The following PTGFRN variants were observed in gnomAD, a reference collection of about 807,000 sequenced individuals.
The protein encoded by PTGFRN is prostaglandin F2 receptor negative regulator.
A neutral mutation model predicts 83.2 loss-of-function variants in PTGFRN; 35 were observed. The ratio of observed to expected loss-of-function variants is 0.42; its 90% confidence interval spans 0.32 to 0.56. The LOEUF (loss-of-function observed/expected upper bound fraction) is 0.56. Among genes scored for constraint, PTGFRN ranks in the 20% least tolerant of loss-of-function variants. The pLI, the probability that PTGFRN is intolerant of heterozygous loss-of-function variation, is 0.11. For synonymous variants in PTGFRN, 519 were observed against 498.6 expected, an observed-to-expected ratio of 1.04 and a Z score of -0.55; for missense variants, 1,051 against 1,179.5, an observed-to-expected ratio of 0.89 and a Z score of 1.60.
chr1:116,937,633 T>C (rs947346732), intron 1 of PTGFRN, among the ~76,000 whole-genome samples: 1 of 152,170 alleles, frequency 6.6e-6, no homozygotes, highest in Non-Finnish European at 1.5e-5. Flanking sequence ...TTTCTAAAGC[T>C]CTGATCACTA....
intron 4 of PTGFRN, among the ~76,000 whole-genome samples, chr1:116,953,422 T>C (rs959137315): frequency 6.6e-6 from 1 of 152,098 alleles, no homozygotes; most frequent in Non-Finnish European, 1.5e-5. Flanking sequence ...AGTGTTGGAG[T>C]CAGGAGACAT....
Position 116,986,975 on chromosome 1 carries a change from C to G in PTGFRN, c.*8C>G. On this transcript the variant is annotated 3_prime_UTR_variant, in exon 9 of 9. Coordinates refer to ENST00000393203, the MANE Select transcript of PTGFRN (RefSeq NM_020440.4). ...TCGATGGAGATGGACTAGGCTGGCC[C>G]GGGAGGGGAGTGACAGAGGGACGTT... is the stretch of plus-strand genomic sequence containing the variant. 1 of 1,613,966 alleles carries G rather than the reference C, an allele frequency of 6.2e-7. No individual in the cohort carries two copies. Among genetic ancestry groups the G allele is most frequent in the Non-Finnish European group, 8.5e-7 (1 of 1,179,964 alleles).
rs966073216 is a variant in PTGFRN, at chr1:116,989,842, C to T, written c.*2875C>T. The stretch of plus-strand genomic sequence containing the variant: ...TGAGTGTCTTTCCCCCCCTCACCCT[C>T]ACCATCTGAGGGGCTCCCTGAGATC... On this transcript the variant is annotated 3_prime_UTR_variant, in exon 9 of 9. Coordinates refer to ENST00000393203, the MANE Select transcript of PTGFRN (RefSeq NM_020440.4). The T allele has an allele frequency of 6.6e-6, 1 of 152,592 alleles. No homozygotes were observed. Among genetic ancestry groups the T allele is most frequent in the Non-Finnish European group, 1.5e-5 (1 of 68,028 alleles). 9.5% of individuals were successfully genotyped at this position (152,592 alleles called of 1,614,324 possible).
At chr1:116,935,261 C>A (rs1649893154) in intron 1 of PTGFRN, among the ~76,000 whole-genome samples, 1 of 152,150 alleles carries the variant, frequency 6.6e-6, no homozygotes, top group Non-Finnish European at 1.5e-5. Flanking sequence ...GTCTTCTTGG[C>A]CCCACAAGGT....
At chr1:116,965,923 G>T (rs1650814824) in intron 5 of PTGFRN, among the ~76,000 whole-genome samples, 1 of 152,190 alleles carries the variant, frequency 6.6e-6, no homozygotes, top group South Asian at 2.1e-4. Context: ...GAAAGAATGT[G>T]GTGGCTCAGT....
intron 7 of PTGFRN, among the ~76,000 whole-genome samples, chr1:116,983,457 C>G (rs1449033953): frequency 6.7e-6 from 1 of 149,506 alleles, no homozygotes; most frequent in African/African-American, 2.5e-5. Flanking sequence ...GGCACTCCCT[C>G]TGCCCCCAGG....
intron 1 of PTGFRN, among the ~76,000 whole-genome samples, chr1:116,938,791 A>G (rs1649984145): frequency 6.6e-6 from 1 of 152,240 alleles, no homozygotes; most frequent in Non-Finnish European, 1.5e-5. Flanking sequence ...CCTTCTGCCT[A>G]TGGGCCTGTA....
intron 4 of PTGFRN, 72 bp downstream of exon 4, chr1:116,949,644 C>G (rs775230194): frequency 1.2e-4 from 191 of 1,528,538 alleles, no homozygotes; most frequent in Non-Finnish European, 1.6e-4. Context: ...AAGGAGTTAT[C>G]TCAGGAGGCT....
chr1:116,924,143 A>ATT (rs147663868), intron 1 of PTGFRN, among the ~76,000 whole-genome samples: 3,613 of 115,844 alleles, frequency 0.031, 154 homozygotes, highest in African/African-American at 0.095. Flanking sequence ...CTGTGCATGT[A>ATT]TTTTTTTTTT....
chr1:116,944,771 GC>G lies in PTGFRN; in HGVS notation c.513del (p.Ala172ProfsTer28). 1 of 1,554,122 alleles carries G rather than the reference GC, an allele frequency of 6.4e-7. No individual in the cohort carries two copies. Among genetic ancestry groups the G allele is most frequent in the Non-Finnish European group, 8.7e-7 (1 of 1,154,182 alleles). The part of the protein sequence containing the change: ...EGEPFELRCT[A>X]ASASPLHTHL... The stretch of plus-strand genomic sequence containing the variant: ...GGAGCCCTTCGAGCTGCGCTGCACC[GC>G]CGCCTCCGCCTCGCCGCTGCACACG... On this transcript the variant is annotated frameshift_variant, in exon 3 of 9. Coordinates refer to ENST00000393203, the MANE Select transcript of PTGFRN (RefSeq NM_020440.4). LOFTEE classifies it high-confidence loss of function.
At chr1:116,979,415 C>G (rs1448190825) in intron 7 of PTGFRN, among the ~76,000 whole-genome samples, 3 of 152,208 alleles carry the variant, frequency 2.0e-5, no homozygotes, top group Admixed American at 6.5e-5. Flanking sequence ...ATTGCCAAGT[C>G]AATCCTAAGC....
Position 116,944,680 on chromosome 1 carries a change from G to T in PTGFRN, c.420G>T (p.Val140=). The change falls in exon 3 of 9, where the codon GTG becomes GTT. Residue 140 remains valine, a splice_region_variant and synonymous_variant. Transcript: ENST00000393203. ...GNYEDTVQVK[V]LADSLHVGPS... ...TGACCTAGCTTTCTCTCTCCGCAGT[G>T]CTGGCCGACTCCCTGCACGTGGGCC... The T allele has an allele frequency of 7.0e-7, 1 of 1,424,262 alleles. No individual in the cohort carries two copies. 88.2% of individuals were successfully genotyped at this position (1,424,262 alleles called of 1,614,324 possible).
At chr1:116,973,721 A>G (rs1472363807) in intron 6 of PTGFRN, among the ~76,000 whole-genome samples, 2 of 151,998 alleles carry the variant, frequency 1.3e-5, no homozygotes, top group Non-Finnish European at 2.9e-5. Context: ...CATTGTTGAC[A>G]TGTCTGTCTT....
chr1:116,974,286 C>T lies in PTGFRN; in HGVS notation c.2130C>T (p.Phe710=). The change falls in exon 7 of 9, where the codon TTC becomes TTT. Residue 710 remains phenylalanine (F), a synonymous_variant. Coordinates refer to ENST00000393203, the MANE Select transcript of PTGFRN (RefSeq NM_020440.4). The part of the protein sequence containing the change: ...SVIRGDLIKL[F]CIITVEGAAL... ...TTCGGGGAGATCTGATCAAATTGTT[C>T]TGTATCATCACTGTCGAGGGAGCAG... 1 of 1,613,056 alleles carries T rather than the reference C, an allele frequency of 6.2e-7. No homozygotes were observed. The highest frequency in any genetic ancestry group is 2.2e-5 in the East Asian group (1 of 44,868).
At chr1:116,914,336 G>T (rs1161313004) in intron 1 of PTGFRN, among the ~76,000 whole-genome samples, 2 of 152,242 alleles carry the variant, frequency 1.3e-5, no homozygotes, top group Non-Finnish European at 2.9e-5. Flanking sequence ...TTGGGCCCAT[G>T]CCACACTAGC....
In PTGFRN at chr1:116,984,850, G is replaced by A. The variant is rs1651417403; in HGVS notation, c.2338G>A (p.Val780Met). The change falls in exon 8 of 9, where the codon GTG becomes ATG. Residue 780 changes from valine (V) to methionine (M), a missense_variant. Val to Met is a conservative substitution (Grantham distance 21). Around this residue, in one of 3 missense-constraint regions of PTGFRN, gnomAD observed 719 missense variants for 836.6 expected, o/e 0.86. Transcript: ENST00000393203. Reference protein sequence around the residue: ...RVSVLEFLLQVHGSEDQDFGN... With the variant: ...RVSVLEFLLQMHGSEDQDFGN... ...GAGTGTGCTGGAATTCTTGCTGCAA[G>A]TGCATGGCTCCGAGGACCAGGACTT... 6.8e-6 allele frequency: 11 copies of A among 1,614,056 alleles called. No homozygotes were observed. Among genetic ancestry groups the A allele is most frequent in the Admixed American group, 1.7e-5 (1 of 59,974 alleles).
intron 4 of PTGFRN, among the ~76,000 whole-genome samples, chr1:116,953,464 G>A (rs1396683894): frequency 1.3e-5 from 2 of 152,076 alleles, no homozygotes; most frequent in South Asian, 2.1e-4. Context: ...ATGTTGCCTC[G>A]GGTGTGTCGA....
chr1:116,914,243 G>A (rs538940832), intron 1 of PTGFRN, among the ~76,000 whole-genome samples: 14 of 152,310 alleles, frequency 9.2e-5, no homozygotes, highest in East Asian at 7.7e-4. Flanking sequence ...AGGAAAGAGC[G>A]TAGAGTAGAA....
chr1:116,955,593 C>T (rs952492711), intron 4 of PTGFRN, among the ~76,000 whole-genome samples: 28 of 152,244 alleles, frequency 1.8e-4, no homozygotes, highest in African/African-American at 6.0e-4. Flanking sequence ...AGTTTTTAAA[C>T]ATAACCACCA....
Sources: gnomAD v4.1 joint callset for allele counts (sites outside exome capture counted in the v4.1 genomes callset) on GRCh38, gnomAD v4.1.1 for gene constraint, gnomAD v4.1.1 regional missense constraint, MANE v1.5 for transcripts, NCBI Gene and HGNC (gene_info 2026-07-23, HGNC 2026-07-21) for gene names.